OR4M1: variants seen among roughly 807,000 people sequenced by gnomAD.
OR4M1 encodes olfactory receptor family 4 subfamily M member 1, also known as olfactory receptor 4M1.
A neutral mutation model predicts 9.8 loss-of-function variants in OR4M1; 7 were observed. The observed-to-expected ratio is 0.71, with a 90% CI of 0.41 to 1.34. OR4M1 has a LOEUF of 1.34. Among genes scored for constraint, OR4M1 ranks in the 40% most tolerant of loss-of-function variants. The pLI is 0.01. For synonymous variants in OR4M1, 121 were observed against 139.8 expected, an observed-to-expected ratio of 0.87 and a Z score of 0.95; for missense variants, 331 against 380.4, an observed-to-expected ratio of 0.87 and a Z score of 1.08.
At position 19,782,857 on chromosome 14, in the gene OR4M1, A is replaced by T. The variant is rs1878542440; in HGVS notation, c.*1593A>T. ...CATGAAAAAATATAAAGTACAAAAG[A>T]TATATATATATAATATGATAAAATG... On this transcript the variant is annotated 3_prime_UTR_variant, in exon 2 of 2. Coordinates refer to ENST00000641200, the MANE Select transcript of OR4M1 (RefSeq NM_001005500.2). 1 of 65,120 alleles carries T rather than the reference A, an allele frequency of 1.5e-5. No homozygotes were observed. Among genetic ancestry groups the T allele is most frequent in the South Asian group, 5.0e-4 (1 of 1,998 alleles). The allele number at this position is 65,120 out of a possible 1,614,324, so 4.0% of individuals were successfully genotyped here.
intron 1 of OR4M1, 187 bp from the exon 2 acceptor site, chr14:19,780,107 T>C (rs994196878): frequency 2.6e-5 from 15 of 576,112 alleles, no homozygotes; most frequent in Middle Eastern, 4.4e-4. Flanking sequence ...CATATAGTTT[T>C]AGTGTTCCCA....
intron 1 of OR4M1, among the ~76,000 whole-genome samples, chr14:19,774,181 A>T (rs1179012436): frequency 1.3e-5 from 2 of 152,214 alleles, no homozygotes; most frequent in African/African-American, 4.8e-5. Flanking sequence ...AAGCAAAGAG[A>T]CTCTTACTTG....
chr14:19,775,011 G>A (rs2138426708), intron 1 of OR4M1, among the ~76,000 whole-genome samples: 1 of 152,340 alleles, frequency 6.6e-6, no homozygotes, highest in South Asian at 2.1e-4. Context: ...GACAAGATGG[G>A]CGGTCAGAGG....
chr14:19,779,774 T>C (rs1020072064), intron 1 of OR4M1, among the ~76,000 whole-genome samples: 3 of 152,250 alleles, frequency 2.0e-5, no homozygotes, highest in Non-Finnish European at 4.4e-5. Flanking sequence ...TATGGAAAAA[T>C]ATGTCCATTC....
intron 1 of OR4M1, among the ~76,000 whole-genome samples, chr14:19,776,863 T>C (rs1401756544): frequency 6.6e-6 from 1 of 151,910 alleles, no homozygotes; most frequent in Non-Finnish European, 1.5e-5. Flanking sequence ...AAATTGCCAT[T>C]GTGGAGTTCA....
intron 1 of OR4M1, among the ~76,000 whole-genome samples, chr14:19,778,841 C>G (rs1433348396): frequency 6.6e-6 from 1 of 152,082 alleles, no homozygotes; most frequent in Non-Finnish European, 1.5e-5. Flanking sequence ...TCTTCCTAAA[C>G]CAAATTTTAA....
rs769702125 is a variant in OR4M1 at position 19,781,160 on chromosome 14, A to C, written c.838A>C (p.Ile280Leu). The C allele has an allele frequency of 2.0e-5, 32 of 1,614,080 alleles. No homozygotes were observed. In the South Asian group the frequency reaches 3.5e-4, roughly 18 times the overall value. The change falls in exon 2 of 2, where the codon ATA (isoleucine) becomes CTA (leucine). Residue 280 changes from isoleucine to leucine, a missense_variant. Ile to Leu is a conservative substitution (Grantham distance 5). Coordinates refer to ENST00000641200, the MANE Select transcript of OR4M1 (RefSeq NM_001005500.2). ...AGTGGTGTCTGTGTTTCATACTGTAATATTCCCTTTACTTAATCCCATTAT... is the reference window on the plus strand; with the variant it reads ...AGTGGTGTCTGTGTTTCATACTGTACTATTCCCTTTACTTAATCCCATTAT... ...DKVVSVFHTV[I>L]FPLLNPIIYT...
chr14:19,777,751 T>C (rs1878354004), intron 1 of OR4M1, among the ~76,000 whole-genome samples: 1 of 152,236 alleles, frequency 6.6e-6, no homozygotes, highest in Non-Finnish European at 1.5e-5. Flanking sequence ...TGTTTTGACA[T>C]GCATTAAATG....
intron 1 of OR4M1, 103 bp from the exon 2 acceptor site, chr14:19,780,191 T>C: frequency 2.9e-6 from 3 of 1,029,638 alleles, no homozygotes; most frequent in Non-Finnish European, 2.8e-6. Context: ...TGTATCCTCA[T>C]GTAATCTGTT....
In OR4M1 at chr14:19,783,569, C is replaced by A. The variant is rs1343372019; in HGVS notation, c.*2305C>A. 1 of 152,288 alleles carries A rather than the reference C, an allele frequency of 6.6e-6. No homozygotes were observed. The highest frequency in any genetic ancestry group is 1.5e-5 in the Non-Finnish European group (1 of 68,072). 9.4% of individuals were successfully genotyped at this position (152,288 alleles called of 1,614,324 possible). A position where few individuals can be genotyped will look rare whatever the true frequency, so the allele number is the denominator to read the frequency against. ...ATATTGTTTCCAAATAGCTCAGTAT[C>A]CTCAGCAATCACATACAAAATATGC... On this transcript the variant is annotated 3_prime_UTR_variant, in exon 2 of 2. Transcript: ENST00000641200.
At chr14:19,779,596 C>T (rs1878404339) in intron 1 of OR4M1, among the ~76,000 whole-genome samples, 1 of 152,208 alleles carries the variant, frequency 6.6e-6, no homozygotes, top group Non-Finnish European at 1.5e-5. Context: ...ATCACTACAC[C>T]TACTTAAGTT....
chr14:19,781,624 A>G lies in OR4M1; in HGVS notation c.*360A>G. Reference sequence around the variant, plus strand: ...AGACATGGAGACGTGTCCATTACAAATATGAAGTAAATGGCAAGCATATGG... The same window carrying G: ...AGACATGGAGACGTGTCCATTACAAGTATGAAGTAAATGGCAAGCATATGG... On this transcript the variant is annotated 3_prime_UTR_variant, in exon 2 of 2. Coordinates refer to ENST00000641200, the MANE Select transcript of OR4M1 (RefSeq NM_001005500.2). 1 of 223,846 alleles carries G rather than the reference A, an allele frequency of 4.5e-6. No individual in the cohort carries two copies. The highest frequency in any genetic ancestry group is 1.0e-4 in the East Asian group (1 of 10,024). 13.9% of individuals were successfully genotyped at this position (223,846 alleles called of 1,614,324 possible). A position where few individuals can be genotyped will look rare whatever the true frequency, so the allele number is the denominator to read the frequency against.
intron 1 of OR4M1, among the ~76,000 whole-genome samples, chr14:19,779,616 G>C (rs931489638): frequency 6.6e-6 from 1 of 152,208 alleles, no homozygotes; most frequent in Non-Finnish European, 1.5e-5. Context: ...TCCTGCAATG[G>C]TGAGCAAATT....
rs1878519265 is a variant in OR4M1, at chr14:19,782,148, GTTAAAC to G, written c.*890_*895del. ...CGTAATTGCTAATCCTGCCTCTCAT[GTTAAAC>G]TTAAATTGGTTAGGTGCTGTTTTTG... On this transcript the variant is annotated 3_prime_UTR_variant, in exon 2 of 2. Transcript: ENST00000641200. The G allele has an allele frequency of 6.6e-6, 1 of 152,282 alleles. No individual in the cohort carries two copies. Among genetic ancestry groups the G allele is most frequent in the Non-Finnish European group, 1.5e-5 (1 of 68,082 alleles). The allele number at this position is 152,282 out of a possible 1,614,324, so 9.4% of individuals were successfully genotyped here. A position where few individuals can be genotyped will look rare whatever the true frequency, so the allele number is the denominator to read the frequency against.
chr14:19,779,603 A>G (rs1878404583), intron 1 of OR4M1, among the ~76,000 whole-genome samples: 1 of 152,212 alleles, frequency 6.6e-6, no homozygotes, highest in Non-Finnish European at 1.5e-5. Flanking sequence ...CACCTACTTA[A>G]GTTCCTGCAA....
intron 1 of OR4M1, among the ~76,000 whole-genome samples, chr14:19,779,189 C>T (rs1204095211): frequency 6.6e-6 from 1 of 152,112 alleles, no homozygotes; most frequent in Non-Finnish European, 1.5e-5. Flanking sequence ...TACATAGTGC[C>T]CATAAGTGTT....
chr14:19,777,036 ATATATATATATATTGT>A (rs1878334916), intron 1 of OR4M1, among the ~76,000 whole-genome samples: 1 of 125,512 alleles, frequency 8.0e-6, no homozygotes, highest in South Asian at 2.7e-4. Context: ...ATATATATAT[ATATATATATATATTGT>A]TTGTTTGTTT....
chr14:19,777,987 T>C (rs1436761183), intron 1 of OR4M1, among the ~76,000 whole-genome samples: 2 of 152,130 alleles, frequency 1.3e-5, no homozygotes, highest in African/African-American at 2.4e-5. Flanking sequence ...TCCAGCAAAA[T>C]ATTTCTTTTC....
Position 19,783,614 on chromosome 14 carries a change from A to G in OR4M1, c.*2350A>G, listed in dbSNP as rs1030369576. 6.6e-6 allele frequency: 1 copy of G among 152,302 alleles called. No individual in the cohort carries two copies. Among genetic ancestry groups the G allele is most frequent in the Admixed American group, 6.5e-5 (1 of 15,284 alleles). The allele number at this position is 152,302 out of a possible 1,614,324, so 9.4% of individuals were successfully genotyped here. On this transcript the variant is annotated 3_prime_UTR_variant, in exon 2 of 2. Coordinates refer to ENST00000641200, the MANE Select transcript of OR4M1 (RefSeq NM_001005500.2). ...ATATGCCTCAGGACTCCTTTTCCCT[A>G]TATAACTCCTACATTTTCTTTCAGT...
Sources: gnomAD v4.1 joint callset for allele counts (sites outside exome capture counted in the v4.1 genomes callset) on GRCh38, gnomAD v4.1.1 for gene constraint, MANE v1.5 for transcripts, NCBI Gene and HGNC (gene_info 2026-07-23, HGNC 2026-07-21) for gene names.